Variants in SIPA1L1 observed in about 807,000 individuals in gnomAD.
SIPA1L1 encodes the protein signal induced proliferation associated 1 like 1.
SIPA1L1 carries 26 observed loss-of-function variants against 162.7 expected under a neutral mutation model. The ratio of observed to expected loss-of-function variants is 0.16; its 90% CI spans 0.12 to 0.22. The LOEUF is 0.22. Among genes scored for constraint, SIPA1L1 ranks in the 10% least tolerant of loss-of-function variants. The pLI, the probability that SIPA1L1 is intolerant of heterozygous loss-of-function variation, is 1.00. For missense variants in SIPA1L1, 1,874 were observed against 2,241.0 expected, an observed-to-expected ratio of 0.84 and a Z score of 3.31; for synonymous variants, 829 against 837.4, an observed-to-expected ratio of 0.99 and a Z score of 0.17.
In SIPA1L1 at chr14:71,620,710, C is replaced by G. The variant is rs557272075; in HGVS notation, c.1629+1823C>G. ...CCACATCTGATCCCAGCCCCTGTCT[C>G]CTACCTATCTGTCCTAAATTCTGCT... is the stretch of plus-strand genomic sequence containing the variant. On this transcript the variant is annotated intron_variant, in intron 6 of 23. Transcript: ENST00000381232. Among the ~76,000 whole-genome samples the G allele has an allele frequency of 9.2e-5, 14 of 152,298 alleles. No homozygotes were observed. In the South Asian group the frequency reaches 2.5e-3, roughly 27 times the overall value.
intron 21 of SIPA1L1, among the ~76,000 whole-genome samples, 170 bp downstream of exon 21, chr14:71,733,982 A>G (rs762726644): frequency 1.3e-5 from 2 of 152,248 alleles, no homozygotes; most frequent in African/African-American, 2.4e-5. Flanking sequence ...ACCTAGGCAC[A>G]TGTTTTATGT....
At chr14:71,321,819 G>T (rs893724915) in intron 2 of SIPA1L1, 1 of 152,124 alleles carries the variant, frequency 6.6e-6, no homozygotes, top group African/African-American at 2.4e-5. Flanking sequence ...ATCGCTCCAC[G>T]GCATTTCTAG....
intron 1 of SIPA1L1, 89 bp from the exon 2 acceptor site, chr14:71,321,033 C>G (rs866884694): frequency 1.3e-5 from 2 of 152,228 alleles, no homozygotes; most frequent in African/African-American, 2.4e-5. Context: ...GCGCTCGGCG[C>G]CCGCCTCGGG....
At chr14:71,685,134 C>T (rs759823030) in intron 12 of SIPA1L1, among the ~76,000 whole-genome samples, 4 of 152,144 alleles carry the variant, frequency 2.6e-5, no homozygotes, top group Non-Finnish European at 5.9e-5. Flanking sequence ...CTCCATATCT[C>T]GCACTCAAAA....
At chr14:71,664,859 A>G (rs1049906508) in intron 10 of SIPA1L1, among the ~76,000 whole-genome samples, 8 of 152,298 alleles carry the variant, frequency 5.3e-5, no homozygotes, top group Non-Finnish European at 1.2e-4. Context: ...AGTTATATGG[A>G]TATTTATGAG....
intron 2 of SIPA1L1, among the ~76,000 whole-genome samples, chr14:71,365,465 A>G (rs1424531961): frequency 6.6e-6 from 1 of 152,110 alleles, no homozygotes. Context: ...CCCTGAGGTT[A>G]TTAGTCATGA....
intron 18 of SIPA1L1, 102 bp downstream of exon 18, chr14:71,723,988 G>A: frequency 7.1e-7 from 1 of 1,402,766 alleles, no homozygotes; most frequent in Non-Finnish European, 9.7e-7. Context: ...CCGGGCTAGG[G>A]GGTTGGCAGG....
chr14:71,562,870 G>C (rs541018118), intron 4 of SIPA1L1, among the ~76,000 whole-genome samples: 1 of 152,172 alleles, frequency 6.6e-6, no homozygotes, highest in South Asian at 2.1e-4. Context: ...GGTGAGGCTG[G>C]TCTTGAGCTC....
intron 2 of SIPA1L1, among the ~76,000 whole-genome samples, chr14:71,336,244 A>G (rs1462153641): frequency 6.6e-6 from 1 of 152,192 alleles, no homozygotes; most frequent in Non-Finnish European, 1.5e-5. Context: ...AAAAGTCAGT[A>G]GTTCTTAGTA....
intron 13 of SIPA1L1, among the ~76,000 whole-genome samples, chr14:71,697,958 G>T (rs921136519): frequency 1.3e-5 from 2 of 151,966 alleles, no homozygotes; most frequent in East Asian, 1.9e-4. Flanking sequence ...CAGAAAACAG[G>T]CCTTCTCTTA....
intron 12 of SIPA1L1, 85 bp downstream of exon 12, chr14:71,672,707 G>A (rs2044657322): frequency 4.2e-6 from 6 of 1,414,752 alleles, no homozygotes; most frequent in East Asian, 4.8e-5. Flanking sequence ...AGGTAGTGGA[G>A]TAGGGTGTTG....
At chr14:71,683,068 C>T (rs2045951786) in intron 12 of SIPA1L1, among the ~76,000 whole-genome samples, 3 of 152,186 alleles carry the variant, frequency 2.0e-5, no homozygotes, top group African/African-American at 7.2e-5. Flanking sequence ...ATGGGAGAAT[C>T]ACTTGAGCCC....
intron 4 of SIPA1L1, among the ~76,000 whole-genome samples, chr14:71,544,352 T>C (rs1333020770): frequency 6.6e-6 from 1 of 151,972 alleles, no homozygotes; most frequent in Non-Finnish European, 1.5e-5. Context: ...TGTATATACA[T>C]GTATCATATG....
chr14:71,634,334 G>A (rs1397640049), intron 7 of SIPA1L1, among the ~76,000 whole-genome samples: 11 of 150,874 alleles, frequency 7.3e-5, no homozygotes, highest in African/African-American at 2.0e-4. Flanking sequence ...CCCAGGAGAC[G>A]GAGGTTGTAG....
chr14:71,676,826 A>G (rs1340790720), intron 12 of SIPA1L1, among the ~76,000 whole-genome samples: 2 of 152,012 alleles, frequency 1.3e-5, no homozygotes, highest in Non-Finnish European at 2.9e-5. Flanking sequence ...TTACGGCTGC[A>G]TAGTATTCCA....
chr14:71,365,139 A>G (rs1445250120), intron 2 of SIPA1L1, among the ~76,000 whole-genome samples: 2 of 151,824 alleles, frequency 1.3e-5, no homozygotes, highest in African/African-American at 4.8e-5. Context: ...CCATCCTCCC[A>G]TCTCAGCCTG....
In SIPA1L1 at chr14:71,661,454, A is replaced by G; in HGVS notation, c.2242A>G (p.Ser748Gly). 1 of 1,613,932 alleles carries G rather than the reference A, an allele frequency of 6.2e-7. No individual in the cohort carries two copies. The highest frequency in any genetic ancestry group is 8.5e-7 in the Non-Finnish European group (1 of 1,179,872). ...CAGGGTGCACAATCCGTGCTCTGAC[A>G]GTGTCTGTTATAGGTGTGTATGGGT... is the stretch of plus-strand genomic sequence containing the variant. ...IVRVHNPCSDSVCYSVAVTRS... is the reference protein window; with the variant it reads ...IVRVHNPCSDGVCYSVAVTRS... Residue 748 changes from serine to glycine, a missense_variant, in exon 10 of 24, where the codon AGT becomes GGT. By Grantham distance (56) the Ser-to-Gly change is moderately conservative (BLOSUM62 0). Transcript: ENST00000381232.
rs1491482172 is a variant in SIPA1L1 at position 71,522,698 on chromosome 14, T to TC, written c.-361-6614_-361-6613insC. ...CTAAGCTTCTTAATTTCTCTCTCTC[T>TC]TTTTTTTTTTTTTGAGATGGAGTCT... On this transcript the variant is annotated intron_variant, in intron 3 of 23. Transcript: ENST00000381232. 8.9e-5 allele frequency among the ~76,000 whole-genome samples: 12 copies of TC among 135,434 alleles called. No homozygotes were observed. In the South Asian group the frequency reaches 8.9e-4, roughly 10 times the overall value. 88.8% of individuals were successfully genotyped at this position (135,434 alleles called of 152,430 possible). A position where few individuals can be genotyped will look rare whatever the true frequency, so the allele number is the denominator to read the frequency against.
At chr14:71,538,171 A>G (rs888798061) in intron 4 of SIPA1L1, among the ~76,000 whole-genome samples, 1 of 152,214 alleles carries the variant, frequency 6.6e-6, no homozygotes, top group African/African-American at 2.4e-5. Context: ...CCCTACTGTT[A>G]TACACTAAGA....
Sources: allele counts gnomAD v4.1 joint callset (sites outside exome capture counted in the v4.1 genomes callset), GRCh38; gene constraint gnomAD v4.1.1; transcripts MANE v1.5; gene names NCBI Gene and HGNC (gene_info 2026-07-23, HGNC 2026-07-21).